The following GHR variants were observed in gnomAD, a reference collection of about 807,000 sequenced individuals.
GHR encodes the protein growth hormone receptor, also known as GH receptor.
Under a neutral mutation model 67.1 loss-of-function variants are expected in GHR, and 35 were observed. The ratio of observed to expected loss-of-function variants is 0.52; its 90% CI spans 0.40 to 0.69. GHR has a LOEUF of 0.69. Among genes scored for constraint, GHR ranks in the 30% least tolerant of loss-of-function variants. The pLI, the probability that GHR is intolerant of heterozygous loss-of-function variation, is 0.00. For missense variants in GHR, 792 were observed against 764.6 expected (o/e 1.04, Z -0.42); for synonymous variants, 272 against 269.1 (o/e 1.01, Z -0.10).
chr5:42,675,316 A>G (rs1756517195), intron 3 of GHR, among the ~76,000 whole-genome samples: 1 of 152,190 alleles, frequency 6.6e-6, no homozygotes, highest in Non-Finnish European at 1.5e-5. Context: ...CTGCCTTGGC[A>G]TATCCCCCTC....
intron 3 of GHR, among the ~76,000 whole-genome samples, chr5:42,677,869 C>T (rs540613968): frequency 6.6e-6 from 1 of 152,232 alleles, no homozygotes; most frequent in East Asian, 1.9e-4. Flanking sequence ...CTTATAATTA[C>T]ATGTTTCAAC....
intron 1 of GHR, among the ~76,000 whole-genome samples, chr5:42,494,871 G>A (rs1191906035): frequency 6.6e-6 from 1 of 152,030 alleles, no homozygotes; most frequent in Non-Finnish European, 1.5e-5. Flanking sequence ...GTTCTTTTTG[G>A]TGAGCTACTT....
chr5:42,685,092 C>A (rs183029486), intron 3 of GHR, among the ~76,000 whole-genome samples: 165 of 152,226 alleles, frequency 1.1e-3, no homozygotes, highest in Non-Finnish European at 1.0e-3. Context: ...ATCCCTCCCC[C>A]AGCCCCACAG....
At chr5:42,576,693 A>G (rs1009916599) in intron 2 of GHR, among the ~76,000 whole-genome samples, 2 of 152,266 alleles carry the variant, frequency 1.3e-5, no homozygotes, top group Non-Finnish European at 2.9e-5. Flanking sequence ...TGTTTAAGAC[A>G]TAATAGCATA....
intron 2 of GHR, among the ~76,000 whole-genome samples, chr5:42,585,638 C>G (rs529912157): frequency 6.6e-6 from 1 of 152,088 alleles, no homozygotes; most frequent in South Asian, 2.1e-4. Context: ...TGTTTTGAAT[C>G]AAAAATTTTT....
intron 3 of GHR, among the ~76,000 whole-genome samples, chr5:42,661,039 G>A (rs888423611): frequency 7.2e-5 from 11 of 152,170 alleles, no homozygotes; most frequent in Non-Finnish European, 1.2e-4. Context: ...GAAATGAAGT[G>A]AGAAGGGAAG....
At chr5:42,486,185 G>A (rs1375673515) in intron 1 of GHR, among the ~76,000 whole-genome samples, 2 of 152,126 alleles carry the variant, frequency 1.3e-5, no homozygotes, top group African/African-American at 4.8e-5. Flanking sequence ...CTCTGCAATA[G>A]GATGTCTTCT....
chr5:42,709,131 C>T (rs986963050), intron 6 of GHR, among the ~76,000 whole-genome samples: 4 of 152,004 alleles, frequency 2.6e-5, no homozygotes, highest in African/African-American at 9.7e-5. Flanking sequence ...ATTTGCTTAG[C>T]AGTGTGCTTT....
chr5:42,624,452 A>G (rs1233067837), intron 2 of GHR, among the ~76,000 whole-genome samples: 3 of 152,210 alleles, frequency 2.0e-5, no homozygotes, highest in African/African-American at 4.8e-5. Flanking sequence ...ATTTTGACCA[A>G]AATAACACAT....
intron 3 of GHR, among the ~76,000 whole-genome samples, chr5:42,682,600 G>T (rs1483061207): frequency 6.6e-6 from 1 of 152,108 alleles, no homozygotes; most frequent in Non-Finnish European, 1.5e-5. Flanking sequence ...TACTAGATGT[G>T]ACAGGATGTG....
chr5:42,587,647 T>G (rs1407478634), intron 2 of GHR, among the ~76,000 whole-genome samples: 1 of 152,102 alleles, frequency 6.6e-6, no homozygotes, highest in African/African-American at 2.4e-5. Flanking sequence ...AATGTGAACT[T>G]GGGGAAAGAT....
chr5:42,498,878 GTC>G (rs1374538834), intron 1 of GHR, among the ~76,000 whole-genome samples: 5 of 152,204 alleles, frequency 3.3e-5, no homozygotes, highest in African/African-American at 1.2e-4. Context: ...GCAACTTATA[GTC>G]TCTGTTTCAA....
At chr5:42,498,797 G>A (rs1746421715) in intron 1 of GHR, among the ~76,000 whole-genome samples, 2 of 152,166 alleles carry the variant, frequency 1.3e-5, no homozygotes, top group Admixed American at 1.3e-4. Flanking sequence ...TTTGTGTTAA[G>A]CTGGGCACCT....
At chr5:42,467,499 C>T in intron 1 of GHR, 2 of 1,087,892 alleles carry the variant, frequency 1.8e-6, no homozygotes, top group Non-Finnish European at 2.8e-6. Flanking sequence ...GTTTCTGGTG[C>T]CGAGCAAGTT....
chr5:42,534,521 T>C (rs540258188), intron 1 of GHR, among the ~76,000 whole-genome samples: 2 of 150,146 alleles, frequency 1.3e-5, no homozygotes, highest in African/African-American at 5.0e-5. Context: ...TATATGTGTA[T>C]ATATGTATGT....
intron 2 of GHR, among the ~76,000 whole-genome samples, chr5:42,581,254 C>G (rs1561141124): frequency 6.6e-6 from 1 of 152,174 alleles, no homozygotes; most frequent in African/African-American, 2.4e-5. Flanking sequence ...GACTCACCAC[C>G]CTAAGGCAGC....
At chr5:42,593,461 A>G (rs1397160912) in intron 2 of GHR, among the ~76,000 whole-genome samples, 2 of 152,240 alleles carry the variant, frequency 1.3e-5, no homozygotes, top group African/African-American at 4.8e-5. Context: ...GCATTTATAG[A>G]GTCCTGCCTA....
intron 3 of GHR, among the ~76,000 whole-genome samples, chr5:42,641,210 G>T (rs1754458821): frequency 7.2e-6 from 1 of 137,984 alleles, no homozygotes; most frequent in Admixed American, 7.0e-5. Flanking sequence ...TTTGAAAAAG[G>T]TGTCTTTTTC....
chr5:42,456,462 G>T (rs1579731349), intron 1 of GHR, among the ~76,000 whole-genome samples: 1 of 152,108 alleles, frequency 6.6e-6, no homozygotes, highest in Admixed American at 6.5e-5. Flanking sequence ...TAAATCTATA[G>T]GTTAGTTTTC....
Sources: gnomAD v4.1 joint callset for allele counts (sites outside exome capture counted in the v4.1 genomes callset) on GRCh38, gnomAD v4.1.1 for gene constraint, MANE v1.5 for transcripts, NCBI Gene and HGNC (gene_info 2026-07-23, HGNC 2026-07-21) for gene names.